The following NBAS variants were observed in gnomAD, a reference collection of about 807,000 sequenced individuals.
NBAS encodes NAG/BC035112 fusion.
A neutral mutation model predicts 302.5 loss-of-function variants in NBAS; 219 were observed. That is an observed-to-expected ratio of 0.72 (90% CI 0.65 to 0.81). The LOEUF is 0.81. Among genes scored for constraint, NBAS ranks in the 30% least tolerant of loss-of-function variants. The pLI, the probability that NBAS is intolerant of heterozygous loss-of-function variation, is 0.00. For missense variants in NBAS, 2,932 were observed against 2,841.6 expected (o/e 1.03, Z -0.72); for synonymous variants, 1,118 against 1,021.6 (o/e 1.09, Z -1.80).
the NBAS span, among the ~76,000 whole-genome samples, chr2:15,038,011 T>G: frequency 6.6e-6 from 1 of 151,622 alleles, no homozygotes; most frequent in Non-Finnish European, 1.5e-5. Flanking sequence ...AAAATACAAG[T>G]ATTTTGAGAA....
chr2:15,413,603 G>A (rs778880705), intron 25 of NBAS, among the ~76,000 whole-genome samples: 11 of 152,286 alleles, frequency 7.2e-5, no homozygotes, highest in Admixed American at 2.6e-4. Flanking sequence ...AACAGACAGC[G>A]GAGGAGTTAA....
the NBAS span, among the ~76,000 whole-genome samples, chr2:14,839,847 C>T: frequency 6.6e-6 from 1 of 151,862 alleles, no homozygotes; most frequent in Non-Finnish European, 1.5e-5. Context: ...AGAATAAATA[C>T]CTAATCCCTC....
At chr2:14,803,701 G>A in the NBAS span, among the ~76,000 whole-genome samples, 1 of 152,172 alleles carries the variant, frequency 6.6e-6, no homozygotes, top group African/African-American at 2.4e-5. Flanking sequence ...CCAGGCTGGA[G>A]TGCAATGGCA....
intron 6 of NBAS, among the ~76,000 whole-genome samples, chr2:15,542,450 A>G (rs1450549681): frequency 2.3e-5 from 3 of 130,148 alleles, no homozygotes; most frequent in Non-Finnish European, 3.3e-5. Context: ...AAGAGTCATC[A>G]CCACTCCCTA....
At chr2:15,035,251 G>C in the NBAS span, among the ~76,000 whole-genome samples, 1 of 152,042 alleles carries the variant, frequency 6.6e-6, no homozygotes, top group Non-Finnish European at 1.5e-5. Context: ...TTAAAAGTGT[G>C]TGCATATAAA....
chr2:15,192,234 A>ATTT (rs56108047), intron 48 of NBAS, among the ~76,000 whole-genome samples: 1 of 138,666 alleles, frequency 7.2e-6, no homozygotes, highest in African/African-American at 2.6e-5. Context: ...AGAAGAGGCT[A>ATTT]TTTTTTTTTT....
At chr2:15,187,656 T>C (rs979303343) in intron 49 of NBAS, among the ~76,000 whole-genome samples, 1 of 152,206 alleles carries the variant, frequency 6.6e-6, no homozygotes, top group African/African-American at 2.4e-5. Context: ...GACAAGTTAA[T>C]GGTAAATTCA....
the NBAS span, among the ~76,000 whole-genome samples, chr2:14,834,596 C>T: frequency 1.1e-4 from 16 of 152,250 alleles, no homozygotes; most frequent in Admixed American, 9.8e-4. Context: ...GAACAACTTA[C>T]ACACAGGAAG....
chr2:15,298,084 T>C (rs1450402032), intron 40 of NBAS, among the ~76,000 whole-genome samples: 11 of 152,132 alleles, frequency 7.2e-5, no homozygotes, highest in Non-Finnish European at 1.5e-4. Flanking sequence ...CTTGTGCCTG[T>C]ATGTAATCCC....
At chr2:14,786,267 A>C in the NBAS span, among the ~76,000 whole-genome samples, 1 of 152,000 alleles carries the variant, frequency 6.6e-6, no homozygotes, top group African/African-American at 2.4e-5. Context: ...CCTTTCAAAA[A>C]ACCAGCTCCT....
the NBAS span, among the ~76,000 whole-genome samples, chr2:15,036,052 T>C: frequency 6.6e-6 from 1 of 152,182 alleles, no homozygotes; most frequent in Admixed American, 6.5e-5. Context: ...AAGTATGAAA[T>C]TGCCCTTTAA....
intron 48 of NBAS, among the ~76,000 whole-genome samples, chr2:15,208,691 T>A (rs1167533207): frequency 6.6e-6 from 1 of 152,016 alleles, no homozygotes; most frequent in African/African-American, 2.4e-5. Flanking sequence ...AATGGAAATA[T>A]TATCAAGCAG....
intron 50 of NBAS, among the ~76,000 whole-genome samples, chr2:15,181,823 G>A (rs1664839422): frequency 6.6e-6 from 1 of 152,220 alleles, no homozygotes; most frequent in Non-Finnish European, 1.5e-5. Flanking sequence ...ACTGTCCCTG[G>A]AGTATCTAGC....
the NBAS span, among the ~76,000 whole-genome samples, chr2:14,863,497 G>C: frequency 6.6e-6 from 1 of 152,192 alleles, no homozygotes; most frequent in African/African-American, 2.4e-5. Flanking sequence ...TGATCAGTTA[G>C]GGTAGGGCAG....
chr2:14,884,823 G>A, the NBAS span, among the ~76,000 whole-genome samples: 10 of 152,340 alleles, frequency 6.6e-5, no homozygotes, highest in Admixed American at 5.9e-4. Context: ...AATCGAGGAA[G>A]CTCTCTCAGA....
chr2:15,486,056 G>A (rs1051671235), intron 12 of NBAS, among the ~76,000 whole-genome samples: 1 of 152,156 alleles, frequency 6.6e-6, no homozygotes, highest in Non-Finnish European at 1.5e-5. Context: ...GGAAAGGGAG[G>A]GGTGGCCGAC....
At chr2:15,547,304 A>C (rs1448596479) in intron 6 of NBAS, among the ~76,000 whole-genome samples, 2 of 152,220 alleles carry the variant, frequency 1.3e-5, no homozygotes, top group Non-Finnish European at 2.9e-5. Context: ...CACACACATG[A>C]AATATCATTT....
chr2:14,938,447 A>G, the NBAS span, among the ~76,000 whole-genome samples: 3 of 152,246 alleles, frequency 2.0e-5, no homozygotes, highest in African/African-American at 7.2e-5. Flanking sequence ...TTCTCTGCTA[A>G]TGAGTGTCAG....
chr2:15,427,908 T>A (rs190090393), intron 21 of NBAS, 114 bp from the exon 22 acceptor site: 1 of 791,262 alleles, frequency 1.3e-6, no homozygotes, highest in Admixed American at 2.0e-5. Context: ...AGATTCATGC[T>A]TATAGTATTT....
Sources: allele counts gnomAD v4.1 joint callset (sites outside exome capture counted in the v4.1 genomes callset), GRCh38; gene constraint gnomAD v4.1.1; transcripts MANE v1.5; gene names NCBI Gene and HGNC (gene_info 2026-07-23, HGNC 2026-07-21).